Variants in ASAP2 observed in about 807,000 individuals in gnomAD.
The protein encoded by ASAP2 is arf-GAP with SH3 domain, ANK repeat and PH domain-containing protein 2.
In ASAP2, 45 loss-of-function variants were observed where a neutral mutation model predicts 131.4. That is an observed-to-expected ratio of 0.34 (90% CI 0.27 to 0.44). ASAP2 has a LOEUF of 0.44. Among genes scored for constraint, ASAP2 ranks in the 20% least tolerant of loss-of-function variants. The pLI is 1.00. For synonymous variants in ASAP2, 510 were observed against 503.0 expected (o/e 1.01, Z -0.19); for missense variants, 1,011 against 1,297.0 (o/e 0.78, Z 3.39).
At chr2:9,341,232 C>T (rs79730536) in intron 9 of ASAP2, among the ~76,000 whole-genome samples, 12,718 of 152,262 alleles carry the variant, frequency 0.084, 541 homozygotes, top group African/African-American at 0.1. Context: ...TTCACCTGGT[C>T]AGGCGTTTTG....
At chr2:9,237,046 G>A (rs1347920532) in intron 1 of ASAP2, among the ~76,000 whole-genome samples, 1 of 152,220 alleles carries the variant, frequency 6.6e-6, no homozygotes, top group African/African-American at 2.4e-5. Flanking sequence ...AAGGGGAGGG[G>A]AAGGCAGGAA....
chr2:9,234,318 A>G (rs1396656539), intron 1 of ASAP2, among the ~76,000 whole-genome samples: 2 of 152,158 alleles, frequency 1.3e-5, no homozygotes, highest in African/African-American at 2.4e-5. Flanking sequence ...CAGACTGCCT[A>G]GAGACAGGCT....
intron 2 of ASAP2, among the ~76,000 whole-genome samples, chr2:9,295,914 T>C (rs1447363008): frequency 1.3e-5 from 2 of 152,216 alleles, no homozygotes; most frequent in East Asian, 1.9e-4. Context: ...GTCATAGGGA[T>C]TGGCTCAGGG....
intron 1 of ASAP2, among the ~76,000 whole-genome samples, chr2:9,256,299 A>G (rs897543166): frequency 6.6e-6 from 1 of 152,112 alleles, no homozygotes; most frequent in Non-Finnish European, 1.5e-5. Flanking sequence ...GGGCGCCAGG[A>G]TGTTAAAAGT....
At chr2:9,251,191 G>A (rs548222663) in intron 1 of ASAP2, among the ~76,000 whole-genome samples, 6 of 152,336 alleles carry the variant, frequency 3.9e-5, no homozygotes, top group South Asian at 4.1e-4. Flanking sequence ...TGGCCAGAGC[G>A]TTGTCACATC....
chr2:9,210,450 A>G (rs1421499085), intron 1 of ASAP2, among the ~76,000 whole-genome samples: 1 of 152,154 alleles, frequency 6.6e-6, no homozygotes, highest in Non-Finnish European at 1.5e-5. Context: ...GGCCCCAGTG[A>G]GGGCTTTTGG....
At chr2:9,347,770 C>G (rs1226990199) in intron 11 of ASAP2, among the ~76,000 whole-genome samples, 1 of 152,206 alleles carries the variant, frequency 6.6e-6, no homozygotes, top group African/African-American at 2.4e-5. Context: ...AGGATTGCCA[C>G]ACCACTGAGG....
intron 24 of ASAP2, among the ~76,000 whole-genome samples, chr2:9,397,908 G>A (rs11677445): frequency 0.27 from 40,415 of 149,200 alleles, 10,319 homozygotes; most frequent in African/African-American, 0.68. Context: ...ACAGGCGCCC[G>A]CCACCACGCC....
Position 9,318,020 on chromosome 2 carries a change from G to A in ASAP2, c.346-504G>A, listed in dbSNP as rs138447760. On this transcript the variant is annotated intron_variant, in intron 3 of 27. Coordinates refer to ENST00000281419, the MANE Select transcript of ASAP2 (RefSeq NM_003887.3). ...AACACACACACGTCTTTTCTCATTC[G>A]CACCCAGCATTCGCTCGTGTGCCTT... Among the ~76,000 whole-genome samples, 207 of 152,112 alleles carry A rather than the reference G, an allele frequency of 1.4e-3. 2 individuals are homozygous for A. The highest frequency in any genetic ancestry group is 1.8e-3 in the Non-Finnish European group (120 of 67,996).
At chr2:9,298,452 G>A (rs1310619576) in intron 3 of ASAP2, among the ~76,000 whole-genome samples, 1 of 152,180 alleles carries the variant, frequency 6.6e-6, no homozygotes, top group Non-Finnish European at 1.5e-5. Context: ...TGTAGGAAAT[G>A]GTAAAAGTAA....
At chr2:9,259,426 C>A (rs1243088574) in intron 1 of ASAP2, among the ~76,000 whole-genome samples, 1 of 152,224 alleles carries the variant, frequency 6.6e-6, no homozygotes, top group Non-Finnish European at 1.5e-5. Flanking sequence ...TGCTCTCCTG[C>A]CAGGCTGCCC....
At chr2:9,369,603 G>A (rs528969702) in intron 16 of ASAP2, among the ~76,000 whole-genome samples, 54 of 152,326 alleles carry the variant, frequency 3.5e-4, no homozygotes, top group Admixed American at 2.5e-3. Context: ...AGTTAACAGA[G>A]CACCTGCATT....
chr2:9,390,481 A>C (rs1675632327), intron 22 of ASAP2, among the ~76,000 whole-genome samples: 1 of 152,194 alleles, frequency 6.6e-6, no homozygotes, highest in African/African-American at 2.4e-5. Context: ...AGGGCTTGTG[A>C]CCTGGAAAAT....
intron 3 of ASAP2, among the ~76,000 whole-genome samples, chr2:9,312,117 C>T (rs1377897909): frequency 6.6e-6 from 1 of 152,184 alleles, no homozygotes; most frequent in Non-Finnish European, 1.5e-5. Flanking sequence ...CAACCATCAC[C>T]TCAAATCCGT....
chr2:9,374,487 T>C (rs1674230935), intron 16 of ASAP2, among the ~76,000 whole-genome samples: 1 of 151,826 alleles, frequency 6.6e-6, no homozygotes, highest in Non-Finnish European at 1.5e-5. Flanking sequence ...TCACAGAACT[T>C]AGGAGTGAGG....
chr2:9,398,450 T>C (rs992280714), intron 24 of ASAP2, among the ~76,000 whole-genome samples: 5 of 152,076 alleles, frequency 3.3e-5, no homozygotes, highest in African/African-American at 1.2e-4. Flanking sequence ...GTTCCGAGGC[T>C]GCGGTGAACT....
intron 3 of ASAP2, among the ~76,000 whole-genome samples, chr2:9,303,916 TCA>T (rs1668657588): frequency 6.6e-6 from 1 of 152,218 alleles, no homozygotes; most frequent in African/African-American, 2.4e-5. Flanking sequence ...GAGGGAGAAC[TCA>T]CAGAGACGAG....
Position 9,404,205 on chromosome 2 carries a change from T to C in ASAP2, c.*878T>C, listed in dbSNP as rs1428486126. ...TGCTGTATTAACACATCACTTGCTG[T>C]TTCCTACTGAGTGTACCACTGCCTT... On this transcript the variant is annotated 3_prime_UTR_variant, in exon 28 of 28. Coordinates refer to ENST00000281419, the MANE Select transcript of ASAP2 (RefSeq NM_003887.3). The C allele has an allele frequency of 6.6e-6, 1 of 152,250 alleles. No homozygotes were observed. The highest frequency in any genetic ancestry group is 1.5e-5 in the Non-Finnish European group (1 of 68,048). The allele number at this position is 152,250 out of a possible 1,614,324, so 9.4% of individuals were successfully genotyped here.
intron 1 of ASAP2, among the ~76,000 whole-genome samples, chr2:9,231,446 CGTCATGACTCG>C (rs1424516086): frequency 1.3e-5 from 2 of 152,178 alleles, no homozygotes; most frequent in African/African-American, 4.8e-5. Context: ...CTTGGGTTTG[CGTCATGACTCG>C]GTACCTGCTA....
Sources: gnomAD v4.1 joint callset for allele counts (sites outside exome capture counted in the v4.1 genomes callset) on GRCh38, gnomAD v4.1.1 for gene constraint, MANE v1.5 for transcripts, NCBI Gene and HGNC (gene_info 2026-07-23, HGNC 2026-07-21) for gene names.